TSPAN33: variants seen among roughly 807,000 people sequenced by gnomAD.
TSPAN33 encodes the protein tetraspanin-33.
In TSPAN33, 27 loss-of-function variants were observed where a neutral mutation model predicts 34.8. That is an observed-to-expected ratio of 0.78 (90% confidence interval 0.57 to 1.07). The LOEUF is 1.07. Among genes scored for constraint, TSPAN33 ranks in the 50% least tolerant of loss-of-function variants. The pLI, the probability that TSPAN33 is intolerant of heterozygous loss-of-function variation, is 0.00. For missense variants in TSPAN33, 272 were observed against 324.9 expected (o/e 0.84, Z 1.25); for synonymous variants, 119 against 124.2 (o/e 0.96, Z 0.28).
chr7:129,145,664 C>T (rs1810510998), intron 1 of TSPAN33, among the ~76,000 whole-genome samples: 1 of 151,662 alleles, frequency 6.6e-6, no homozygotes, highest in Non-Finnish European at 1.5e-5. Flanking sequence ...CTTCTCAGGA[C>T]CAGACTTCAC....
At chr7:129,153,070 A>C (rs1810621862) in intron 1 of TSPAN33, among the ~76,000 whole-genome samples, 1 of 151,164 alleles carries the variant, frequency 6.6e-6, no homozygotes. Flanking sequence ...AAAAAAAAAA[A>C]AAAAAAAAAA....
intron 4 of TSPAN33, among the ~76,000 whole-genome samples, chr7:129,164,236 G>A (rs1173691737): frequency 6.6e-6 from 1 of 152,306 alleles, no homozygotes; most frequent in African/African-American, 2.4e-5. Flanking sequence ...GGTATATCTT[G>A]AAATGTGTCT....
At chr7:129,162,340 C>T in intron 2 of TSPAN33, 54 bp from the exon 3 acceptor site, 1 of 1,601,812 alleles carries the variant, frequency 6.2e-7, no homozygotes, top group South Asian at 1.1e-5. Flanking sequence ...CCACCCCATC[C>T]AGGGGTTCCT....
chr7:129,145,870 C>G (rs933774797), intron 1 of TSPAN33, among the ~76,000 whole-genome samples: 28 of 152,060 alleles, frequency 1.8e-4, no homozygotes, highest in African/African-American at 6.7e-4. Flanking sequence ...GTCTGCAGGC[C>G]TTGACTCCCT....
chr7:129,154,423 C>A lies in TSPAN33; in HGVS notation c.103-7256C>A, dbSNP rs1450092156. 2.0e-5 allele frequency among the ~76,000 whole-genome samples: 3 copies of A among 152,076 alleles called. No individual in the cohort carries two copies. The East Asian group carries it at 5.9e-4, about 30-fold the overall frequency. On this transcript the variant is annotated intron_variant, in intron 1 of 7. Transcript: ENST00000486685. ...GTTTGTAAAACTGTATGCAAGTGAA[C>A]CCTAGTTTATGAAAATCTGATGTTA... is the stretch of plus-strand genomic sequence containing the variant.
rs539516500 is a variant in TSPAN33, at chr7:129,165,959, C to T, written c.460-819C>T. Reference sequence around the variant, plus strand: ...AGTTAACTTTTTTTTTTCCCTGAGACGGAGTCTTGCTCTGTTACCCAGGCT... The same window carrying T: ...AGTTAACTTTTTTTTTTCCCTGAGATGGAGTCTTGCTCTGTTACCCAGGCT... On this transcript the variant is annotated intron_variant, in intron 5 of 7. Transcript: ENST00000486685. This position sits in a 1 kb window ranked among gnomAD's most constrained non-coding sequence, Gnocchi z 4.5. 5.3e-5 allele frequency among the ~76,000 whole-genome samples: 8 copies of T among 150,468 alleles called. No homozygotes were observed. The highest frequency in any genetic ancestry group is 7.3e-5 in the African/African-American group (3 of 41,088).
rs776716876 is a variant in TSPAN33, at chr7:129,162,441, G to A, written c.208G>A (p.Val70Met). 2.7e-5 allele frequency: 44 copies of A among 1,613,806 alleles called. 1 individual carries two copies. In the South Asian group the frequency reaches 2.7e-4, roughly 10 times the overall value. The stretch of plus-strand genomic sequence containing the variant: ...AGTGGACCCTGCCATCCTGCTGATC[G>A]TGGTGGGTGTCCTCATGTTCCTGCT... Reference protein sequence around the residue: ...LAVDPAILLIVVGVLMFLLTF... With the variant: ...LAVDPAILLIMVGVLMFLLTF... The change falls in exon 3 of 8, where the codon GTG (valine) becomes ATG (methionine). Residue 70 changes from valine to methionine, a missense_variant. Physicochemically the swap from Val to Met is conservative, Grantham distance 21. Coordinates refer to ENST00000486685, the MANE Select transcript of TSPAN33 (RefSeq NM_178562.5).
chr7:129,149,412 G>T (rs1810563531), intron 1 of TSPAN33, among the ~76,000 whole-genome samples: 1 of 152,142 alleles, frequency 6.6e-6, no homozygotes, highest in African/African-American at 2.4e-5. Context: ...GCAAAAATTA[G>T]CCAGGTGTGG....
In TSPAN33 at chr7:129,168,263, G is replaced by A. The variant is rs1482474449; in HGVS notation, c.*389G>A. The A allele has an allele frequency of 5.1e-6, 1 of 197,718 alleles. No individual in the cohort carries two copies. Among genetic ancestry groups the A allele is most frequent in the Non-Finnish European group, 1.0e-5 (1 of 95,296 alleles). 12.2% of individuals were successfully genotyped at this position (197,718 alleles called of 1,614,324 possible). On this transcript the variant is annotated 3_prime_UTR_variant, in exon 8 of 8. Transcript: ENST00000486685. ...TTGGCGGACATACTTAGATCCTAAC[G>A]TGCCAGTGAGACCTGGCTGTGGAGA... is the stretch of plus-strand genomic sequence containing the variant.
In TSPAN33 at chr7:129,145,020, G is replaced by T; in HGVS notation, c.40G>T (p.Glu14Ter). 1.4e-6 allele frequency: 1 copy of T among 713,368 alleles called. No homozygotes were observed. Among genetic ancestry groups the T allele is most frequent in the Non-Finnish European group, 2.6e-6 (1 of 387,874 alleles). The allele number at this position is 713,368 out of a possible 1,614,324, so 44.2% of individuals were successfully genotyped here. ...RPRAPAASGE[E>*]FSFVSPLVKY... ...CCGGGCGCCGGCCGCCTCCGGGGAG[G>T]AGTTCTCCTTCGTCAGCCCGCTGGT... is the stretch of plus-strand genomic sequence containing the variant. The change falls in exon 1 of 8, where the codon GAG becomes TAG. Residue 14 changes from glutamate (E) to a stop codon, truncating the protein, a stop_gained. Coordinates refer to ENST00000486685, the MANE Select transcript of TSPAN33 (RefSeq NM_178562.5). LOFTEE classifies it high-confidence loss of function.
At chr7:129,166,475 A>G (rs898615710) in intron 5 of TSPAN33, 10 of 222,016 alleles carry the variant, frequency 4.5e-5, no homozygotes, top group Non-Finnish European at 7.0e-5. Flanking sequence ...CTGCAAAGCC[A>G]GAAACTTCTC....
chr7:129,147,864 C>G (rs954679526), intron 1 of TSPAN33, among the ~76,000 whole-genome samples: 2 of 152,162 alleles, frequency 1.3e-5, no homozygotes, highest in Admixed American at 6.5e-5. Context: ...ACTCAGAAAA[C>G]TAATGAATTT....
intron 1 of TSPAN33, among the ~76,000 whole-genome samples, chr7:129,151,655 GA>G (rs1011050335): frequency 1.3e-5 from 2 of 151,686 alleles, no homozygotes; most frequent in African/African-American, 4.8e-5. Flanking sequence ...CAATTTGCAA[GA>G]AAAAAAGTCA....
Position 129,167,132 on chromosome 7 carries a change from A to G in TSPAN33, c.588+226A>G, listed in dbSNP as rs1031268555. On this transcript the variant is annotated intron_variant, in intron 6 of 7. Transcript: ENST00000486685. This position sits in a 1 kb window ranked among gnomAD's most constrained non-coding sequence, Gnocchi z 4.6. ...AGATTTAAGTTTTAAGTTCAGATTC[A>G]GTACCTGTGCAGGTTTGTTATATAA... is the stretch of plus-strand genomic sequence containing the variant. 8.5e-5 allele frequency among the ~76,000 whole-genome samples: 13 copies of G among 152,230 alleles called. No homozygotes were observed. Among genetic ancestry groups the G allele is most frequent in the Admixed American group, 7.2e-4 (11 of 15,290 alleles).
Position 129,167,480 on chromosome 7 carries a change from T to C in TSPAN33, c.670T>C (p.Cys224Arg). 2 of 1,614,250 alleles carry C rather than the reference T, an allele frequency of 1.2e-6. No individual in the cohort carries two copies. Among genetic ancestry groups the C allele is most frequent in the Non-Finnish European group, 1.7e-6 (2 of 1,180,030 alleles). ...EASKVIYTNG[C>R]IDKLVNWIHS... ...TAGCAAAGTCATCTACACCAATGGC[T>C]GTATTGACAAGTTGGTCAACTGGAT... The change falls in exon 7 of 8, where the codon TGT (cysteine) becomes CGT (arginine). Residue 224 changes from cysteine to arginine, a missense_variant. By Grantham distance (180) the Cys-to-Arg change is radical (BLOSUM62 -3). Coordinates refer to ENST00000486685, the MANE Select transcript of TSPAN33 (RefSeq NM_178562.5). This position sits in a 1 kb window ranked among gnomAD's most constrained non-coding sequence, Gnocchi z 4.6.
chr7:129,156,149 A>G (rs144674290), intron 1 of TSPAN33, among the ~76,000 whole-genome samples: 94 of 152,268 alleles, frequency 6.2e-4, no homozygotes, highest in African/African-American at 2.1e-3. Context: ...GGTATTTTGT[A>G]GAATGTCCCT....
intron 1 of TSPAN33, among the ~76,000 whole-genome samples, chr7:129,147,615 C>A (rs1464943937): frequency 1.3e-5 from 2 of 152,214 alleles, no homozygotes; most frequent in Non-Finnish European, 2.9e-5. Flanking sequence ...AAATTCTGCT[C>A]TTCTGCCCAG....
chr7:129,145,257 T>A (rs1810504406), intron 1 of TSPAN33, among the ~76,000 whole-genome samples, 175 bp downstream of exon 1: 2 of 150,866 alleles, frequency 1.3e-5, no homozygotes, highest in South Asian at 2.1e-4. Flanking sequence ...GCAGGGGGCG[T>A]TGTAGGGAGG....
intron 1 of TSPAN33, among the ~76,000 whole-genome samples, chr7:129,159,330 T>G (rs1483378117): frequency 6.6e-6 from 1 of 152,224 alleles, no homozygotes; most frequent in African/African-American, 2.4e-5. Context: ...GCTGGGATTA[T>G]AGGCGTGAGC....
Sources: gnomAD v4.1 joint callset for allele counts (sites outside exome capture counted in the v4.1 genomes callset) on GRCh38, gnomAD v4.1.1 for gene constraint, Gnocchi (gnomAD v3.1) non-coding constraint, MANE v1.5 for transcripts, NCBI Gene and HGNC (gene_info 2026-07-23, HGNC 2026-07-21) for gene names.